The following SPINT3 variants were observed in gnomAD, a reference collection of about 807,000 sequenced individuals.
The protein encoded by SPINT3 is kunitz-type protease inhibitor 3.
A neutral mutation model predicts 3.3 loss-of-function variants in SPINT3; 4 were observed. That is an observed-to-expected ratio of 1.22 (90% CI 0.60 to 2.79). The LOEUF is 2.79. SPINT3 is among the 30% of genes most tolerant of loss of function. The pLI is 0.01. For missense variants in SPINT3, 97 were observed against 104.3 expected (o/e 0.93, Z 0.31); for synonymous variants, 30 against 38.6 (o/e 0.78, Z 0.83).
intron 1 of SPINT3, among the ~76,000 whole-genome samples, chr20:45,513,566 A>C (rs1978795004): frequency 6.6e-6 from 1 of 152,258 alleles, no homozygotes; most frequent in Non-Finnish European, 1.5e-5. Flanking sequence ...ACTCTTGAGA[A>C]GAGGGACCTC....
chr20:45,512,923 G>GC, intron 1 of SPINT3, 79 bp from the exon 2 acceptor site: 4 of 1,186,574 alleles, frequency 3.4e-6, no homozygotes, highest in Non-Finnish European at 4.8e-6. Context: ...GGCTGTGACA[G>GC]CCCTGGGCAC....
At chr20:45,515,230 A>G (rs1978839187) in intron 1 of SPINT3, among the ~76,000 whole-genome samples, 1 of 151,758 alleles carries the variant, frequency 6.6e-6, no homozygotes, top group African/African-American at 2.4e-5. Context: ...TACTTATTTC[A>G]TTTTCTATAG....
chr20:45,514,794 C>G (rs985697182), intron 1 of SPINT3, among the ~76,000 whole-genome samples: 1 of 152,202 alleles, frequency 6.6e-6, no homozygotes, highest in African/African-American at 2.4e-5. Context: ...TTAATAGCTC[C>G]ATGTACATAC....
rs369186847 is a variant in SPINT3, at chr20:45,512,618, G to A, written c.*33C>T. The A allele has an allele frequency of 5.3e-5, 82 of 1,545,898 alleles. 1 individual carries two copies. The highest frequency in any genetic ancestry group is 4.9e-4 in the South Asian group (41 of 83,302). On this transcript the variant is annotated 3_prime_UTR_variant, in exon 2 of 2. Coordinates refer to ENST00000217428, the MANE Select transcript of SPINT3 (RefSeq NM_006652.2). ...CTTCTATGGCCCTCAGAGCAATCCCGAATCCATGGAGGGCTGTGTTCTTGT... is the reference window on the plus strand; with the variant it reads ...CTTCTATGGCCCTCAGAGCAATCCCAAATCCATGGAGGGCTGTGTTCTTGT...
chr20:45,513,296 G>A (rs1228588906), intron 1 of SPINT3, among the ~76,000 whole-genome samples: 1 of 152,192 alleles, frequency 6.6e-6, no homozygotes, highest in Non-Finnish European at 1.5e-5. Context: ...TATGAGAGAA[G>A]GAGGACAGAC....
At chr20:45,515,481 C>T in intron 1 of SPINT3, 52 bp downstream of exon 1, 1 of 1,452,260 alleles carries the variant, frequency 6.9e-7, no homozygotes, top group East Asian at 2.5e-5. Context: ...ACCACCCCGC[C>T]CCCCAGCCTG....
At position 45,512,659 on chromosome 20, in the gene SPINT3, A is replaced by G. The variant is rs1260554754; in HGVS notation, c.262T>C (p.Phe88Leu). Reference protein sequence around the residue: ...RKEKCEKFCKFT With the variant: ...RKEKCEKFCKLT ...GTGTTCTTGTTAGAAAATCAGGTGA[A>G]CTTGCAGAATTTCTCACATTTTTCT... Residue 88 changes from phenylalanine (F) to leucine (L), a missense_variant, in exon 2 of 2, where the codon TTC becomes CTC. Coordinates refer to ENST00000217428, the MANE Select transcript of SPINT3 (RefSeq NM_006652.2). 1 of 1,551,406 alleles carries G rather than the reference A, an allele frequency of 6.4e-7. No individual in the cohort carries two copies. Among genetic ancestry groups the G allele is most frequent in the Non-Finnish European group, 8.7e-7 (1 of 1,146,928 alleles).
At chr20:45,513,120 T>C (rs73305955) in intron 1 of SPINT3, among the ~76,000 whole-genome samples, 3,927 of 152,348 alleles carry the variant, frequency 0.026, 169 homozygotes, top group African/African-American at 0.091. Flanking sequence ...TGTGTGATGT[T>C]GTATAAACCT....
Position 45,512,507 on chromosome 20 carries a change from T to G in SPINT3, c.*144A>C, listed in dbSNP as rs141963456. The G allele has an allele frequency of 1.3e-6, 1 of 765,494 alleles. No homozygotes were observed. The highest frequency in any genetic ancestry group is 2.7e-5 in the East Asian group (1 of 36,894). The allele number at this position is 765,494 out of a possible 1,614,324, so 47.4% of individuals were successfully genotyped here. On this transcript the variant is annotated 3_prime_UTR_variant, in exon 2 of 2. Coordinates refer to ENST00000217428, the MANE Select transcript of SPINT3 (RefSeq NM_006652.2). ...ATTTCAGGCACAGAGATGAAGCACT[T>G]GTAGGAGCACATCAGGGAGAATAAA... is the stretch of plus-strand genomic sequence containing the variant.
chr20:45,513,604 C>G lies in SPINT3; in HGVS notation c.77-760G>C, dbSNP rs189245007. On this transcript the variant is annotated intron_variant, in intron 1 of 1. Coordinates refer to ENST00000217428, the MANE Select transcript of SPINT3 (RefSeq NM_006652.2). ...TGTACTCATTTCTGCAGCCTTAGTG[C>G]CTAACACAGGCCTAGTTCTCAGTTC... Among the ~76,000 whole-genome samples, 23 of 152,314 alleles carry G rather than the reference C, an allele frequency of 1.5e-4. No homozygotes were observed. In the East Asian group the frequency reaches 4.4e-3, roughly 29 times the overall value.
At chr20:45,514,422 A>C (rs1978818863) in intron 1 of SPINT3, among the ~76,000 whole-genome samples, 1 of 152,190 alleles carries the variant, frequency 6.6e-6, no homozygotes, top group African/African-American at 2.4e-5. Flanking sequence ...TTTTTTATAG[A>C]AGAAGAAACT....
intron 1 of SPINT3, among the ~76,000 whole-genome samples, chr20:45,514,279 C>G (rs895905147): frequency 1.3e-5 from 2 of 152,078 alleles, no homozygotes; most frequent in Non-Finnish European, 2.9e-5. Flanking sequence ...ATAATGACAC[C>G]CTGTGTGTGT....
chr20:45,515,502 T>C, intron 1 of SPINT3, 31 bp downstream of exon 1: 1 of 1,452,690 alleles, frequency 6.9e-7, no homozygotes, highest in East Asian at 2.6e-5. Flanking sequence ...ATTCCCAGTC[T>C]ATTCTTTGAG....
In SPINT3 at chr20:45,512,728, C is replaced by T. The variant is rs1600861244; in HGVS notation, c.193G>A (p.Ala65Thr). Reference sequence around the variant, plus strand: ...CTGTTGCCTCCGCAGCCTCCGTAAGCAAATAACTCACATTCACCAGTTTCA... The same window carrying T: ...CTGTTGCCTCCGCAGCCTCCGTAAGTAAATAACTCACATTCACCAGTTTCA... ...NFETGECELF[A>T]YGGCGGNSNN... Residue 65 changes from alanine (A) to threonine (T), a missense_variant, in exon 2 of 2, where the codon GCT becomes ACT. Transcript: ENST00000217428. The T allele has an allele frequency of 9.0e-6, 14 of 1,551,716 alleles. No homozygotes were observed. In the East Asian group the frequency reaches 3.2e-4, roughly 35 times the overall value.
At position 45,512,841 on chromosome 20, in the gene SPINT3, G is replaced by A. The variant is rs1600861349; in HGVS notation, c.80C>T (p.Thr27Ile). Residue 27 changes from threonine to isoleucine, a missense_variant, in exon 2 of 2, where the codon ACT becomes ATT. By Grantham distance (89) the Thr-to-Ile change is moderately conservative. Transcript: ENST00000217428. ...LELRSELARDTIKDLLPNVCA... is the reference protein window; with the variant it reads ...LELRSELARDIIKDLLPNVCA... The stretch of plus-strand genomic sequence containing the variant: ...TACATTTGGGAGGAGATCCTTGATA[G>A]TGTCTGAAGAGAGAAAGTGGTTGAA... The A allele has an allele frequency of 6.4e-7, 1 of 1,551,060 alleles. No individual in the cohort carries two copies. The highest frequency in any genetic ancestry group is 1.4e-5 in the African/African-American group (1 of 73,134).
chr20:45,512,579 A>T lies in SPINT3; in HGVS notation c.*72T>A. 8.9e-7 allele frequency: 1 copy of T among 1,125,000 alleles called. No individual in the cohort carries two copies. The allele number at this position is 1,125,000 out of a possible 1,614,324, so 69.7% of individuals were successfully genotyped here. A position where few individuals can be genotyped will look rare whatever the true frequency, so the allele number is the denominator to read the frequency against. On this transcript the variant is annotated 3_prime_UTR_variant, in exon 2 of 2. Transcript: ENST00000217428. Reference sequence around the variant, plus strand: ...CTCTTGTTCACACACACACACACACACACACGCAAATGCCTTCTATGGCCC... The same window carrying T: ...CTCTTGTTCACACACACACACACACTCACACGCAAATGCCTTCTATGGCCC...
At chr20:45,512,940 G>A in intron 1 of SPINT3, 96 bp from the exon 2 acceptor site, 1 of 935,870 alleles carries the variant, frequency 1.1e-6, no homozygotes, top group South Asian at 1.7e-5. Flanking sequence ...GCACAATTGT[G>A]AGGCCATCCA....
intron 1 of SPINT3, among the ~76,000 whole-genome samples, chr20:45,513,772 T>C (rs1423991178): frequency 6.6e-6 from 1 of 152,212 alleles, no homozygotes; most frequent in Non-Finnish European, 1.5e-5. Flanking sequence ...CTAGTAGAAT[T>C]TCCAACATTA....
At chr20:45,513,356 A>ATTT (rs1978788880) in intron 1 of SPINT3, among the ~76,000 whole-genome samples, 2 of 152,208 alleles carry the variant, frequency 1.3e-5, no homozygotes, top group South Asian at 4.1e-4. Context: ...ACTTGTCTCA[A>ATTT]TTATCTTCTA....
Sources: allele counts gnomAD v4.1 joint callset (sites outside exome capture counted in the v4.1 genomes callset), GRCh38; gene constraint gnomAD v4.1.1; transcripts MANE v1.5; gene names NCBI Gene and HGNC (gene_info 2026-07-23, HGNC 2026-07-21).